TSC22D1: variants seen among roughly 807,000 people sequenced by gnomAD.
TSC22D1 encodes TSC22 domain family protein 1.
Under a neutral mutation model 74.2 loss-of-function variants are expected in TSC22D1, and 9 were observed. The ratio of observed to expected loss-of-function variants is 0.12; its 90% CI spans 0.07 to 0.21. The LOEUF (loss-of-function observed/expected upper bound fraction) is 0.21. Among genes scored for constraint, TSC22D1 ranks in the 10% least tolerant of loss-of-function variants. The pLI is 1.00. For missense variants in TSC22D1, 1,427 were observed against 1,304.7 expected (o/e 1.09, Z -1.44); for synonymous variants, 586 against 492.5 (o/e 1.19, Z -2.51).
intron 1 of TSC22D1, among the ~76,000 whole-genome samples, chr13:44,568,874 G>GC (rs563844911): frequency 2.2e-4 from 33 of 152,248 alleles, no homozygotes; most frequent in African/African-American, 7.5e-4. Flanking sequence ...TGGGGATGGA[G>GC]CAGGGAAGCA....
intron 1 of TSC22D1, among the ~76,000 whole-genome samples, chr13:44,483,335 G>GA (rs111867381): frequency 0.12 from 17,494 of 152,094 alleles, 1,045 homozygotes; most frequent in Non-Finnish European, 0.13. Context: ...GAACTATCAA[G>GA]AAAATTGTAG....
intron 1 of TSC22D1, among the ~76,000 whole-genome samples, chr13:44,522,740 A>G (rs778248978): frequency 6.6e-6 from 1 of 152,230 alleles, no homozygotes; most frequent in Non-Finnish European, 1.5e-5. Flanking sequence ...ACTTGTAGAT[A>G]ATGAGGAAGA....
At chr13:44,472,052 G>A (rs1877635578) in intron 1 of TSC22D1, among the ~76,000 whole-genome samples, 1 of 152,160 alleles carries the variant, frequency 6.6e-6, no homozygotes, top group African/African-American at 2.4e-5. Flanking sequence ...TAGCCCCAAA[G>A]TGCAAGAGTA....
chr13:44,544,582 A>C (rs763586700), intron 1 of TSC22D1, among the ~76,000 whole-genome samples: 89 of 151,620 alleles, frequency 5.9e-4, no homozygotes, highest in Non-Finnish European at 1.0e-3. Flanking sequence ...GTCTGAACTT[A>C]AGGGGCTGAA....
chr13:44,451,762 C>T (rs1422716912), intron 1 of TSC22D1, among the ~76,000 whole-genome samples: 4 of 152,206 alleles, frequency 2.6e-5, no homozygotes, highest in African/African-American at 9.6e-5. Context: ...GAGATGAGGC[C>T]ATATCATGTC....
intron 1 of TSC22D1, among the ~76,000 whole-genome samples, chr13:44,456,485 T>A (rs931063383): frequency 6.6e-6 from 1 of 152,184 alleles, no homozygotes; most frequent in Non-Finnish European, 1.5e-5. Context: ...AACCTTTAGC[T>A]AGACACAGAG....
chr13:44,461,116 G>C (rs1020158549), intron 1 of TSC22D1, among the ~76,000 whole-genome samples: 2 of 152,066 alleles, frequency 1.3e-5, no homozygotes, highest in Non-Finnish European at 2.9e-5. Flanking sequence ...TAAATCCTAG[G>C]TAATATAATA....
At chr13:44,459,734 G>A (rs926913857) in intron 1 of TSC22D1, among the ~76,000 whole-genome samples, 5 of 152,176 alleles carry the variant, frequency 3.3e-5, no homozygotes, top group South Asian at 2.1e-4. Flanking sequence ...TGCACTCCCC[G>A]GTGCCCACAG....
chr13:44,460,710 C>T (rs1253076875), intron 1 of TSC22D1, among the ~76,000 whole-genome samples: 1 of 152,148 alleles, frequency 6.6e-6, no homozygotes, highest in Non-Finnish European at 1.5e-5. Context: ...ATATTTGTTG[C>T]TCCAGCAGGA....
Position 44,432,852 on chromosome 13 carries a change from G to A in TSC22D1, c.*1774C>T, listed in dbSNP as rs1874163799. 6.6e-6 allele frequency: 1 copy of A among 152,332 alleles called. No homozygotes were observed. The highest frequency in any genetic ancestry group is 1.9e-4 in the East Asian group (1 of 5,180). The allele number at this position is 152,332 out of a possible 1,614,324, so 9.4% of individuals were successfully genotyped here. A position where few individuals can be genotyped will look rare whatever the true frequency, so the allele number is the denominator to read the frequency against. Reference sequence around the variant, plus strand: ...TCGCTCACGTTACTCCTACTGCAGAGTGGGATCCCTCAGGCTCACTCCTCA... The same window carrying A: ...TCGCTCACGTTACTCCTACTGCAGAATGGGATCCCTCAGGCTCACTCCTCA... On this transcript the variant is annotated 3_prime_UTR_variant, in exon 3 of 3. Coordinates refer to ENST00000458659, the MANE Select transcript of TSC22D1 (RefSeq NM_183422.4).
At chr13:44,539,375 T>A (rs1881330512) in intron 1 of TSC22D1, 3 of 985,258 alleles carry the variant, frequency 3.0e-6, no homozygotes, top group African/African-American at 1.7e-5. Context: ...GACATGTGAC[T>A]GTATAAATTA....
At chr13:44,538,538 G>A in intron 1 of TSC22D1, 1 of 985,316 alleles carries the variant, frequency 1.0e-6, no homozygotes, top group African/African-American at 1.7e-5. Context: ...CAGATACAGA[G>A]AGCCGCTTTT....
rs747453524 is a variant in TSC22D1, at chr13:44,434,591, A to G, written c.*35T>C. ...CACATCTTCTCCGTCTGTTCAGTTC[A>G]CACGCAGCAGCCAGTTCTGCGGGGG... On this transcript the variant is annotated 3_prime_UTR_variant, in exon 3 of 3. Transcript: ENST00000458659. 6.6e-7 allele frequency: 1 copy of G among 1,511,516 alleles called. No homozygotes were observed. Among genetic ancestry groups the G allele is most frequent in the South Asian group, 1.3e-5 (1 of 74,078 alleles). The allele number at this position is 1,511,516 out of a possible 1,614,324, so 93.6% of individuals were successfully genotyped here. A position where few individuals can be genotyped will look rare whatever the true frequency, so the allele number is the denominator to read the frequency against.
chr13:44,551,394 GTGTGTGTGT>G (rs1882255693), intron 1 of TSC22D1, among the ~76,000 whole-genome samples: 1 of 109,520 alleles, frequency 9.1e-6, no homozygotes, highest in Admixed American at 8.1e-5. Context: ...AGATGGGTGT[GTGTGTGTGT>G]GTGTGTGTGT....
chr13:44,455,572 A>G (rs1876518896), intron 1 of TSC22D1, among the ~76,000 whole-genome samples: 1 of 152,220 alleles, frequency 6.6e-6, no homozygotes. Flanking sequence ...TCACTTTCCA[A>G]TAAAAACTTT....
chr13:44,469,535 G>A (rs1877479812), intron 1 of TSC22D1, among the ~76,000 whole-genome samples: 1 of 152,128 alleles, frequency 6.6e-6, no homozygotes, highest in Non-Finnish European at 1.5e-5. Context: ...TAATCTTGAA[G>A]TTCAGAGTTA....
intron 1 of TSC22D1, among the ~76,000 whole-genome samples, chr13:44,477,260 C>T (rs1394127975): frequency 6.6e-6 from 1 of 151,930 alleles, no homozygotes; most frequent in Non-Finnish European, 1.5e-5. Flanking sequence ...GCCAACCTGA[C>T]CTATATTTTC....
At chr13:44,524,878 C>G (rs1343528627) in intron 1 of TSC22D1, among the ~76,000 whole-genome samples, 1 of 151,878 alleles carries the variant, frequency 6.6e-6, no homozygotes, top group African/African-American at 2.4e-5. Context: ...ATCAGGTTGT[C>G]AGGGTAAAGA....
At chr13:44,443,200 G>C (rs533340197) in intron 1 of TSC22D1, among the ~76,000 whole-genome samples, 1 of 151,768 alleles carries the variant, frequency 6.6e-6, no homozygotes, top group Non-Finnish European at 1.5e-5. Flanking sequence ...TAAAATCTTA[G>C]AAGCAGCTGG....
Sources: gnomAD v4.1 joint callset for allele counts (sites outside exome capture counted in the v4.1 genomes callset) on GRCh38, gnomAD v4.1.1 for gene constraint, MANE v1.5 for transcripts, NCBI Gene and HGNC (gene_info 2026-07-23, HGNC 2026-07-21) for gene names.